ENTPD1: variants seen among roughly 807,000 people sequenced by gnomAD.
ENTPD1 encodes the protein ectonucleoside triphosphate diphosphohydrolase 1, also known as ATP diphosphohydrolase.
A neutral mutation model predicts 57.0 loss-of-function variants in ENTPD1; 33 were observed. That is an observed-to-expected ratio of 0.58 (90% CI 0.44 to 0.77). The LOEUF (loss-of-function observed/expected upper bound fraction) is 0.77, where lower values mean the gene tolerates loss of function less well. Among genes scored for constraint, ENTPD1 ranks in the 30% least tolerant of loss-of-function variants. The pLI is 0.00. For missense variants in ENTPD1, 501 were observed against 603.4 expected, an observed-to-expected ratio of 0.83 and a Z score of 1.78; for synonymous variants, 202 against 218.8, an observed-to-expected ratio of 0.92 and a Z score of 0.68.
intron 1 of ENTPD1, among the ~76,000 whole-genome samples, chr10:95,746,307 C>T (rs2098005984): frequency 6.6e-6 from 1 of 152,018 alleles, no homozygotes. Context: ...TTTTTACCTC[C>T]AACATGGCTT....
At position 95,847,697 on chromosome 10, in the gene ENTPD1, G is replaced by T. The variant is rs779604340; in HGVS notation, c.1065G>T (p.Gly355=). ...GGATTTTCTTGCCACCACTCCAGGG[G>T]GATTTTGGGGTAAGTTTGTGAAATG... ...FNGIFLPPLQ[G]DFGAFSAFYF... The change falls in exon 7 of 10, where the codon GGG becomes GGT. Residue 355 remains glycine (G), a synonymous_variant. Transcript: ENST00000371205. 1.4e-5 allele frequency: 22 copies of T among 1,614,084 alleles called. No homozygotes were observed. Among genetic ancestry groups the T allele is most frequent in the Middle Eastern group, 1.6e-4 (1 of 6,062 alleles).
chr10:95,809,793 G>C (rs1471601807), intron 1 of ENTPD1, among the ~76,000 whole-genome samples: 1 of 151,076 alleles, frequency 6.6e-6, no homozygotes, highest in African/African-American at 2.4e-5. Flanking sequence ...TCCCAGACGG[G>C]GCGGCGGGGC....
upstream of ENTPD1, among the ~76,000 whole-genome samples, chr10:95,708,370 C>T (rs887353411): frequency 5.9e-5 from 9 of 152,062 alleles, no homozygotes; most frequent in African/African-American, 9.7e-5. Flanking sequence ...TGTGCCATCA[C>T]GCCCAGCTAA....
chr10:95,783,357 C>T (rs1366982144), intron 1 of ENTPD1, among the ~76,000 whole-genome samples: 1 of 152,104 alleles, frequency 6.6e-6, no homozygotes, highest in Non-Finnish European at 1.5e-5. Context: ...CATTAATTGG[C>T]TTCAAGTACT....
At chr10:95,805,958 A>T (rs1453305208) in intron 1 of ENTPD1, among the ~76,000 whole-genome samples, 1 of 152,104 alleles carries the variant, frequency 6.6e-6, no homozygotes. Flanking sequence ...TGAATCTGAC[A>T]ATTATGTATC....
intron 1 of ENTPD1, among the ~76,000 whole-genome samples, chr10:95,723,680 A>G (rs939755592): frequency 2.0e-5 from 3 of 152,206 alleles, no homozygotes; most frequent in Admixed American, 6.5e-5. Context: ...AGGTAGGGGC[A>G]CACACATGGG....
chr10:95,853,287 C>T (rs559472363), intron 7 of ENTPD1, among the ~76,000 whole-genome samples: 2 of 152,244 alleles, frequency 1.3e-5, no homozygotes, highest in East Asian at 1.9e-4. Context: ...ATTTTGTATC[C>T]TGAGACTTTG....
the ENTPD1 span, among the ~76,000 whole-genome samples, chr10:95,695,080 T>C: frequency 6.6e-6 from 1 of 151,948 alleles, no homozygotes; most frequent in East Asian, 1.9e-4. Flanking sequence ...TTATTTTTAT[T>C]TTTAGTAGAG....
chr10:95,825,661 T>C (rs1239176521), intron 2 of ENTPD1, among the ~76,000 whole-genome samples: 1 of 152,200 alleles, frequency 6.6e-6, no homozygotes, highest in Admixed American at 6.5e-5. Flanking sequence ...CACTGAAAGC[T>C]CCACCTCCTG....
chr10:95,871,563 A>G lies in ENTPD1; in HGVS notation c.*5180A>G. 1.0e-6 allele frequency: 1 copy of G among 985,472 alleles called. No individual in the cohort carries two copies. The highest frequency in any genetic ancestry group is 6.1e-5 in the Admixed American group (1 of 16,284). 61.0% of individuals were successfully genotyped at this position (985,472 alleles called of 1,614,324 possible). On this transcript the variant is annotated 3_prime_UTR_variant, in exon 10 of 10. Coordinates refer to ENST00000371205, the MANE Select transcript of ENTPD1 (RefSeq NM_001776.6). ...ACACAATCAGTTTTATCACAGGTATAATGGATTTTTCAATAGTGAGGAGGT... is the reference window on the plus strand; with the variant it reads ...ACACAATCAGTTTTATCACAGGTATGATGGATTTTTCAATAGTGAGGAGGT...
chr10:95,841,273 G>C (rs1257479615), intron 3 of ENTPD1, among the ~76,000 whole-genome samples: 1 of 152,056 alleles, frequency 6.6e-6, no homozygotes. Context: ...TGTAGTCCCA[G>C]CTACTAGGGT....
chr10:95,806,092 A>G (rs559589046), intron 1 of ENTPD1, among the ~76,000 whole-genome samples: 114 of 152,356 alleles, frequency 7.5e-4, no homozygotes, highest in African/African-American at 2.6e-3. Flanking sequence ...GTGTTTTCCA[A>G]CTTGGTTCCA....
intron 8 of ENTPD1, among the ~76,000 whole-genome samples, chr10:95,860,961 G>C (rs1248325606): frequency 6.6e-6 from 1 of 152,204 alleles, no homozygotes; most frequent in African/African-American, 2.4e-5. Context: ...GGTCAGAAAA[G>C]GGGTCGAACC....
intron 7 of ENTPD1, among the ~76,000 whole-genome samples, chr10:95,850,074 T>C (rs545730274): frequency 7.2e-5 from 11 of 152,302 alleles, no homozygotes; most frequent in Admixed American, 5.9e-4. Context: ...CCTTTGAATG[T>C]GATTCATCCA....
chr10:95,716,966 G>A (rs1402892832), intron 1 of ENTPD1, among the ~76,000 whole-genome samples: 1 of 152,216 alleles, frequency 6.6e-6, no homozygotes, highest in Non-Finnish European at 1.5e-5. Flanking sequence ...CACTACCTAA[G>A]GAGAGGCAGG....
chr10:95,755,441 T>G, upstream of ENTPD1: 3 of 465,604 alleles, frequency 6.4e-6, no homozygotes, highest in Non-Finnish European at 1.1e-5. Flanking sequence ...GGTCAGGCTC[T>G]CATCTACATT....
intron 2 of ENTPD1, among the ~76,000 whole-genome samples, chr10:95,830,913 G>C (rs1461253013): frequency 6.6e-6 from 1 of 152,204 alleles, no homozygotes; most frequent in Non-Finnish European, 1.5e-5. Flanking sequence ...ATACAAGGAA[G>C]TGATGCCCAG....
At chr10:95,810,419 C>G (rs930546599) in intron 1 of ENTPD1, among the ~76,000 whole-genome samples, 15 of 150,068 alleles carry the variant, frequency 1.0e-4, no homozygotes, top group Non-Finnish European at 2.2e-4. Flanking sequence ...GGCGGCTGGG[C>G]AGAGGCGCTC....
intron 1 of ENTPD1, among the ~76,000 whole-genome samples, chr10:95,797,876 G>A (rs886529705): frequency 6.6e-6 from 1 of 152,176 alleles, no homozygotes; most frequent in African/African-American, 2.4e-5. Context: ...GTGCATCATC[G>A]CCATAGAGAG....
Sources: gnomAD v4.1 joint callset for allele counts (sites outside exome capture counted in the v4.1 genomes callset) on GRCh38, gnomAD v4.1.1 for gene constraint, MANE v1.5 for transcripts, NCBI Gene and HGNC (gene_info 2026-07-23, HGNC 2026-07-21) for gene names.